CARD6: variants seen among roughly 807,000 people sequenced by gnomAD.
The protein encoded by CARD6 is caspase recruitment domain-containing protein 6.
CARD6 carries 27 observed loss-of-function variants against 23.6 expected under a neutral mutation model. The observed-to-expected ratio is 1.14, with a 90% CI of 0.84 to 1.58. CARD6 has a LOEUF of 1.58. Among genes scored for constraint, CARD6 ranks in the 40% most tolerant of loss-of-function variants. The probability of loss-of-function intolerance (pLI) is 0.00; values close to 1 mark genes in which losing one functional copy is unlikely to be tolerated. For missense variants in CARD6, 1,214 were observed against 1,209.9 expected, an observed-to-expected ratio of 1.00 and a Z score of -0.05; for synonymous variants, 397 against 431.8, an observed-to-expected ratio of 0.92 and a Z score of 1.00.
rs758916385 is a variant in CARD6, at chr5:40,841,652, C to T, written c.270C>T (p.Cys90=). 12 of 1,612,448 alleles carry T rather than the reference C, an allele frequency of 7.4e-6. No homozygotes were observed. Among genetic ancestry groups the T allele is most frequent in the East Asian group, 4.5e-5 (2 of 44,848 alleles). Reference sequence around the variant, plus strand: ...CTTTTCCACAGTCAGCTGCCATTTGCGGCTTAAGGCATGGTAAGTTGACTT... The same window carrying T: ...CTTTTCCACAGTCAGCTGCCATTTGTGGCTTAAGGCATGGTAAGTTGACTT... The part of the protein sequence containing the change: ...FSTFPQSAAI[C]GLRHEVLKHE... The change falls in exon 1 of 3, where the codon TGC becomes TGT. Residue 90 remains cysteine (C), a synonymous_variant. Coordinates refer to ENST00000254691, the MANE Select transcript of CARD6 (RefSeq NM_032587.4).
At chr5:40,850,391 G>A (rs1271534696) in intron 2 of CARD6, among the ~76,000 whole-genome samples, 1 of 111,004 alleles carries the variant, frequency 9.0e-6, no homozygotes, top group Non-Finnish European at 1.7e-5. Context: ...TCCAGCCTGG[G>A]TGACAGAGTG....
chr5:40,853,197 T>G lies in CARD6; in HGVS notation c.1865T>G (p.Met622Arg), dbSNP rs745947314. 6 of 1,614,206 alleles carry G rather than the reference T, an allele frequency of 3.7e-6. No homozygotes were observed. Among genetic ancestry groups the G allele is most frequent in the Non-Finnish European group, 5.1e-6 (6 of 1,180,044 alleles). Reference protein sequence around the residue: ...RGDAGDRRKNMEGLQAALQEV... With the variant: ...RGDAGDRRKNREGLQAALQEV... Reference sequence around the variant, plus strand: ...GATGCTGGGGATAGAAGGAAGAACATGGAGGGCCTTCAAGCTGCCCTCCAG... The same window carrying G: ...GATGCTGGGGATAGAAGGAAGAACAGGGAGGGCCTTCAAGCTGCCCTCCAG... The change falls in exon 3 of 3, where the codon ATG (methionine) becomes AGG (arginine). Residue 622 changes from methionine (M) to arginine (R), a missense_variant. Transcript: ENST00000254691.
Position 40,852,971 on chromosome 5 carries a change from A to G in CARD6, c.1639A>G (p.Met547Val), listed in dbSNP as rs940976027. Reference protein sequence around the residue: ...ESFWTQFGFLMEVSSAVFFFT... With the variant: ...ESFWTQFGFLVEVSSAVFFFT... ...CTTTTGGACTCAGTTTGGTTTTTTG[A>G]TGGAAGTTTCTTCAGCTGTGTTTTT... Residue 547 changes from methionine (M) to valine (V), a missense_variant, in exon 3 of 3, where the codon ATG becomes GTG. Coordinates refer to ENST00000254691, the MANE Select transcript of CARD6 (RefSeq NM_032587.4). 1.2e-6 allele frequency: 2 copies of G among 1,614,076 alleles called. No homozygotes were observed. Among genetic ancestry groups the G allele is most frequent in the South Asian group, 2.2e-5 (2 of 91,072 alleles).
chr5:40,848,407 G>T (rs866686142), intron 2 of CARD6, among the ~76,000 whole-genome samples: 2 of 151,852 alleles, frequency 1.3e-5, no homozygotes, highest in East Asian at 1.9e-4. Flanking sequence ...TAGAGACAGG[G>T]TTTTCACGAT....
chr5:40,852,794 C>T lies in CARD6; in HGVS notation c.1462C>T (p.His488Tyr), dbSNP rs370593898. 9 of 1,614,058 alleles carry T rather than the reference C, an allele frequency of 5.6e-6. No homozygotes were observed. Among genetic ancestry groups the T allele is most frequent in the African/African-American group, 4.0e-5 (3 of 74,942 alleles). Reference sequence around the variant, plus strand: ...GTTGAAATTACACAAAATCTTTCTTCATCAAGATTTGCCTCTTTTGGTGCT... The same window carrying T: ...GTTGAAATTACACAAAATCTTTCTTTATCAAGATTTGCCTCTTTTGGTGCT... ...AQLKLHKIFL[H>Y]QDLPLLVLPR... Residue 488 changes from histidine (H) to tyrosine (Y), a missense_variant, in exon 3 of 3, where the codon CAT (histidine) becomes TAT (tyrosine). His to Tyr is a moderately conservative substitution (Grantham distance 83, BLOSUM62 2). Transcript: ENST00000254691.
chr5:40,843,912 G>A (rs879633158), intron 2 of CARD6, among the ~76,000 whole-genome samples: 56 of 152,198 alleles, frequency 3.7e-4, no homozygotes, highest in African/African-American at 7.2e-5. Context: ...AGGAAATGAT[G>A]GACAGCATAA....
intron 2 of CARD6, among the ~76,000 whole-genome samples, chr5:40,851,525 T>G (rs1288638080): frequency 1.3e-5 from 2 of 151,514 alleles, no homozygotes; most frequent in Non-Finnish European, 2.9e-5. Flanking sequence ...CTTTTTGCAG[T>G]GAAAATGTAG....
At position 40,854,139 on chromosome 5, in the gene CARD6, T is replaced by C. The variant is rs1157719256; in HGVS notation, c.2807T>C (p.Met936Thr). 2 of 1,614,224 alleles carry C rather than the reference T, an allele frequency of 1.2e-6. No homozygotes were observed. The highest frequency in any genetic ancestry group is 1.7e-6 in the Non-Finnish European group (2 of 1,180,040). ...NPALQIGSHPMCKSSQFKSDQ... is the reference protein window; with the variant it reads ...NPALQIGSHPTCKSSQFKSDQ... Reference sequence around the variant, plus strand: ...GCTCTCCAAATAGGGTCCCATCCCATGTGCAAGAGCTCTCAGTTCAAATCC... The same window carrying C: ...GCTCTCCAAATAGGGTCCCATCCCACGTGCAAGAGCTCTCAGTTCAAATCC... Residue 936 changes from methionine to threonine, a missense_variant, in exon 3 of 3, where the codon ATG becomes ACG. Coordinates refer to ENST00000254691, the MANE Select transcript of CARD6 (RefSeq NM_032587.4).
In CARD6 at chr5:40,852,461, G is replaced by A. The variant is rs928722893; in HGVS notation, c.1129G>A (p.Asp377Asn). 3.7e-6 allele frequency: 6 copies of A among 1,614,054 alleles called. No homozygotes were observed. The highest frequency in any genetic ancestry group is 5.1e-6 in the Non-Finnish European group (6 of 1,180,036). ...IRDIQTINPL[D>N]VLCATMLCSD... Reference sequence around the variant, plus strand: ...AGACATACAAACCATTAATCCCCTTGACGTGCTTTGTGCCACCATGCTGTG... The same window carrying A: ...AGACATACAAACCATTAATCCCCTTAACGTGCTTTGTGCCACCATGCTGTG... Residue 377 changes from aspartate to asparagine, a missense_variant, in exon 3 of 3, where the codon GAC becomes AAC. Coordinates refer to ENST00000254691, the MANE Select transcript of CARD6 (RefSeq NM_032587.4).
In CARD6 at chr5:40,854,126, G is replaced by A. The variant is rs137894574; in HGVS notation, c.2794G>A (p.Gly932Arg). ...GGASNPALQI[G>R]SHPMCKSSQF... ...GGCTTCAAATCCAGCTCTCCAAATA[G>A]GGTCCCATCCCATGTGCAAGAGCTC... The change falls in exon 3 of 3, where the codon GGG (glycine) becomes AGG (arginine). Residue 932 changes from glycine to arginine, a missense_variant. By Grantham distance (125) the Gly-to-Arg change is moderately radical. Coordinates refer to ENST00000254691, the MANE Select transcript of CARD6 (RefSeq NM_032587.4). 2.4e-5 allele frequency: 39 copies of A among 1,614,180 alleles called. No individual in the cohort carries two copies. In the African/African-American group the frequency reaches 3.3e-4, roughly 14 times the overall value.
Position 40,849,855 on chromosome 5 carries a change from T to C in CARD6, c.842-2319T>C, listed in dbSNP as rs148305602. ...GTTAGGTGGGGTTGATGGTGTGCAC[T>C]TGTGGTCCCAGCTACTCCAAAGGCT... On this transcript the variant is annotated intron_variant, in intron 2 of 2. Transcript: ENST00000254691. Among the ~76,000 whole-genome samples the C allele has an allele frequency of 2.3e-4, 35 of 151,920 alleles. 1 individual carries two copies. The highest frequency in any genetic ancestry group is 3.9e-4 in the Admixed American group (6 of 15,238).
At position 40,843,307 on chromosome 5, in the gene CARD6, T is replaced by A; in HGVS notation, c.439T>A (p.Phe147Ile). The stretch of plus-strand genomic sequence containing the variant: ...ACACTTGGATTTGGAAACCTCTGAG[T>A]TTTTCAGGGACAAGAAAACTAGTTA... Reference protein sequence around the residue: ...KEHLDLETSEFFRDKKTSYRE... With the variant: ...KEHLDLETSEIFRDKKTSYRE... Residue 147 changes from phenylalanine to isoleucine, a missense_variant, in exon 2 of 3, where the codon TTT becomes ATT. Physicochemically the swap from Phe to Ile is conservative, Grantham distance 21 (BLOSUM62 0). Transcript: ENST00000254691. The A allele has an allele frequency of 6.2e-7, 1 of 1,614,052 alleles. No homozygotes were observed. The highest frequency in any genetic ancestry group is 2.2e-5 in the East Asian group (1 of 44,860).
In CARD6 at chr5:40,852,560, CCAG is replaced by C. The variant is rs1746087501; in HGVS notation, c.1229_1231del (p.Pro410_Asp411delinsHis). On this transcript the variant is annotated inframe_deletion, in exon 3 of 3. Transcript: ENST00000254691. Reference sequence around the variant, plus strand: ...CCAGTTTGCTCTTCCCCTGCTACTGCCAGATGCAGAAAACAACAAAAGCATCTT... The same window carrying C: ...CCAGTTTGCTCTTCCCCTGCTACTGCATGCAGAAAACAACAAAAGCATCTT... 4 of 1,614,060 alleles carry C rather than the reference CCAG, an allele frequency of 2.5e-6. No homozygotes were observed. In the African/African-American group the frequency reaches 5.3e-5, roughly 22 times the overall value.
chr5:40,852,132 A>T (rs1285751350), intron 2 of CARD6, 42 bp from the exon 3 acceptor site: 1 of 1,320,232 alleles, frequency 7.6e-7, no homozygotes, highest in Non-Finnish European at 1.1e-6. Flanking sequence ...GGGAAAATTG[A>T]AACTCTGAAC....
Position 40,843,157 on chromosome 5 carries a change from T to G in CARD6, c.289T>G (p.Leu97Val), listed in dbSNP as rs1745902812. Residue 97 changes from leucine (L) to valine (V), a missense_variant, in exon 2 of 3, where the codon TTA becomes GTA. Leu to Val is a conservative substitution (Grantham distance 32). Transcript: ENST00000254691. ...AAICGLRHEV[L>V]KHENTVPPQS... ...AACAATTCTTTTCTTTGCAGAAGTT[T>G]TAAAACATGAGAATACAGTACCTCC... 6.4e-7 allele frequency: 1 copy of G among 1,570,188 alleles called. No individual in the cohort carries two copies. The highest frequency in any genetic ancestry group is 1.4e-5 in the African/African-American group (1 of 72,338).
intron 2 of CARD6, among the ~76,000 whole-genome samples, chr5:40,851,205 C>T (rs1480976635): frequency 1.3e-5 from 2 of 151,898 alleles, no homozygotes; most frequent in East Asian, 1.9e-4. Flanking sequence ...TGGCACATGC[C>T]TGTAATCCCA....
chr5:40,854,734 G>A lies in CARD6; in HGVS notation c.*288G>A. On this transcript the variant is annotated 3_prime_UTR_variant, in exon 3 of 3. Coordinates refer to ENST00000254691, the MANE Select transcript of CARD6 (RefSeq NM_032587.4). ...GCCTCTCGAGTAGCTGGGATTACAG[G>A]CATGCACCACCACACCCAGCTAATT... is the stretch of plus-strand genomic sequence containing the variant. 1 of 316,750 alleles carries A rather than the reference G, an allele frequency of 3.2e-6. No homozygotes were observed. The highest frequency in any genetic ancestry group is 6.7e-5 in the East Asian group (1 of 14,900). The allele number at this position is 316,750 out of a possible 1,614,324, so 19.6% of individuals were successfully genotyped here. A position where few individuals can be genotyped will look rare whatever the true frequency, so the allele number is the denominator to read the frequency against.
Position 40,843,330 on chromosome 5 carries a change from T to C in CARD6, c.462T>C (p.Ser154=). ...AGTTTTTCAGGGACAAGAAAACTAG[T>C]TATAGGGAAACAGCTTTGTCTGCCA... ...TSEFFRDKKT[S]YRETALSARK... is the part of the protein sequence containing the mutation. The change falls in exon 2 of 3, where the codon AGT becomes AGC. Residue 154 remains serine (S), a synonymous_variant. Coordinates refer to ENST00000254691, the MANE Select transcript of CARD6 (RefSeq NM_032587.4). 1 of 1,614,054 alleles carries C rather than the reference T, an allele frequency of 6.2e-7. No homozygotes were observed. The highest frequency in any genetic ancestry group is 8.5e-7 in the Non-Finnish European group (1 of 1,180,000).
chr5:40,851,010 T>C (rs1172870480), intron 2 of CARD6, among the ~76,000 whole-genome samples: 3 of 152,106 alleles, frequency 2.0e-5, no homozygotes, highest in Non-Finnish European at 4.4e-5. Context: ...TGAAGAATCA[T>C]TTGTTTAGTA....
Sources: allele counts gnomAD v4.1 joint callset (sites outside exome capture counted in the v4.1 genomes callset), GRCh38; gene constraint gnomAD v4.1.1; transcripts MANE v1.5; gene names NCBI Gene and HGNC (gene_info 2026-07-23, HGNC 2026-07-21).